Variants in CCSER1 observed in about 807,000 individuals in gnomAD.
CCSER1 encodes coiled-coil serine rich protein 1.
CCSER1 carries 41 observed loss-of-function variants against 82.0 expected under a neutral mutation model. The ratio of observed to expected loss-of-function variants is 0.50; its 90% CI spans 0.39 to 0.65. The LOEUF is 0.65. CCSER1 is among the 30% of genes least tolerant of loss of function. The probability of loss-of-function intolerance (pLI) is 0.00; values close to 1 mark genes in which losing one functional copy is unlikely to be tolerated. For synonymous variants in CCSER1, 414 were observed against 383.9 expected (o/e 1.08, Z -0.92); for missense variants, 1,119 against 1,064.2 (o/e 1.05, Z -0.72).
intron 3 of CCSER1, among the ~76,000 whole-genome samples, chr4:90,392,136 G>T (rs574304983): frequency 8.6e-5 from 13 of 151,954 alleles, no homozygotes; most frequent in African/African-American, 2.2e-4. Context: ...AAAAAAGCAT[G>T]AATTTTTAAA....
intron 10 of CCSER1, among the ~76,000 whole-genome samples, chr4:91,310,079 T>G (rs1040669776): frequency 6.6e-6 from 1 of 151,888 alleles, no homozygotes; most frequent in African/African-American, 2.4e-5. Context: ...TCTCTCCAAA[T>G]TTACCTTTTT....
intron 6 of CCSER1, among the ~76,000 whole-genome samples, chr4:90,689,416 T>C (rs541250981): frequency 1.3e-5 from 2 of 152,270 alleles, no homozygotes; most frequent in African/African-American, 4.8e-5. Flanking sequence ...GGTTAGAATA[T>C]ATTAATTGGT....
At chr4:90,277,667 T>A (rs761441880) in intron 1 of CCSER1, among the ~76,000 whole-genome samples, 3 of 152,038 alleles carry the variant, frequency 2.0e-5, no homozygotes, top group Non-Finnish European at 4.4e-5. Context: ...TCACCATATA[T>A]GAAAGTTAAC....
chr4:91,565,475 T>C (rs1002804861), intron 10 of CCSER1, among the ~76,000 whole-genome samples: 2 of 152,134 alleles, frequency 1.3e-5, no homozygotes, highest in Non-Finnish European at 2.9e-5. Flanking sequence ...ATTGAATCTG[T>C]AAATTGATTT....
At chr4:90,227,154 CT>C (rs1195749302) in intron 1 of CCSER1, among the ~76,000 whole-genome samples, 2 of 152,186 alleles carry the variant, frequency 1.3e-5, no homozygotes, top group East Asian at 3.9e-4. Context: ...CTAACTCTGG[CT>C]CAGCATCTGC....
intron 5 of CCSER1, among the ~76,000 whole-genome samples, chr4:90,495,676 C>T (rs891981337): frequency 1.3e-5 from 2 of 152,066 alleles, no homozygotes; most frequent in Admixed American, 1.3e-4. Flanking sequence ...TAGATTATAT[C>T]ATAATGTCAT....
chr4:90,475,677 TAGTC>T (rs1181566478), intron 5 of CCSER1, among the ~76,000 whole-genome samples: 2 of 152,194 alleles, frequency 1.3e-5, no homozygotes, highest in African/African-American at 4.8e-5. Flanking sequence ...ACTCTAGAGT[TAGTC>T]AGGGAGGCTG....
rs929765759 is a variant in CCSER1 at position 90,720,639 on chromosome 4, C to T, written c.1933-3275C>T. Reference sequence around the variant, plus strand: ...TAAATTTTATATTGTTAGATACACACGGCTGACTTGGAAATTGTATATACA... The same window carrying T: ...TAAATTTTATATTGTTAGATACACATGGCTGACTTGGAAATTGTATATACA... On this transcript the variant is annotated intron_variant, in intron 6 of 10. Coordinates refer to ENST00000509176, the MANE Select transcript of CCSER1 (RefSeq NM_001145065.2). Among the ~76,000 whole-genome samples, 6 of 152,048 alleles carry T rather than the reference C, an allele frequency of 3.9e-5. No homozygotes were observed. In the East Asian group the frequency reaches 5.8e-4, roughly 15 times the overall value.
chr4:91,131,471 T>G (rs529072306), intron 10 of CCSER1, among the ~76,000 whole-genome samples: 1 of 152,152 alleles, frequency 6.6e-6, no homozygotes, highest in African/African-American at 2.4e-5. Context: ...GCAAGACTGC[T>G]ACATGGGTGA....
At chr4:90,127,892 G>A (rs1049652933) in intron 1 of CCSER1, 61 bp downstream of exon 1, 2 of 152,112 alleles carry the variant, frequency 1.3e-5, no homozygotes, top group Non-Finnish European at 2.9e-5. Context: ...CCGCTTTGCG[G>A]GGCCGGCCGC....
intron 4 of CCSER1, among the ~76,000 whole-genome samples, chr4:90,428,833 T>C (rs541252911): frequency 6.6e-6 from 1 of 151,850 alleles, no homozygotes; most frequent in South Asian, 2.1e-4. Flanking sequence ...GGCAAGATTA[T>C]CAAAAACAAG....
intron 10 of CCSER1, among the ~76,000 whole-genome samples, chr4:91,166,904 A>G (rs1054493660): frequency 6.6e-6 from 1 of 152,166 alleles, no homozygotes; most frequent in Non-Finnish European, 1.5e-5. Flanking sequence ...GTTTTCTGAT[A>G]GAATTTACAA....
At chr4:90,641,956 A>G (rs370084508) in intron 6 of CCSER1, 1 of 345,972 alleles carries the variant, frequency 2.9e-6, no homozygotes, top group East Asian at 7.9e-5. Flanking sequence ...TCATGAATCC[A>G]GCATTAATGT....
At position 90,839,511 on chromosome 4, in the gene CCSER1, A is replaced by G. The variant is rs1177668980; in HGVS notation, c.2094+23666A>G. Among the ~76,000 whole-genome samples, 5 of 152,148 alleles carry G rather than the reference A, an allele frequency of 3.3e-5. No homozygotes were observed. In the East Asian group the frequency reaches 7.7e-4, roughly 23 times the overall value. Reference sequence around the variant, plus strand: ...TGCTACAGCTTCATTGTTGCATCGTACCCATCAAGACCCAACAGTGGAACT... The same window carrying G: ...TGCTACAGCTTCATTGTTGCATCGTGCCCATCAAGACCCAACAGTGGAACT... On this transcript the variant is annotated intron_variant, in intron 8 of 10. Transcript: ENST00000509176.
At chr4:90,362,162 A>C (rs1046149115) in intron 3 of CCSER1, among the ~76,000 whole-genome samples, 1 of 152,158 alleles carries the variant, frequency 6.6e-6, no homozygotes, top group Admixed American at 6.5e-5. Context: ...TGACTCTCAC[A>C]CAGGGATCTT....
chr4:91,218,189 A>T (rs112718916), intron 10 of CCSER1, among the ~76,000 whole-genome samples: 8,820 of 152,088 alleles, frequency 0.058, 503 homozygotes, highest in African/African-American at 0.15. Flanking sequence ...GACTCAGTAC[A>T]CCCTTGGCAG....
chr4:90,900,092 G>C (rs1470228965), intron 8 of CCSER1, among the ~76,000 whole-genome samples: 1 of 90,252 alleles, frequency 1.1e-5, no homozygotes, highest in Non-Finnish European at 2.8e-5. Flanking sequence ...TCTGGTCCCA[G>C]AGTTTTTTTT....
At chr4:90,181,502 G>A (rs1313500235) in intron 1 of CCSER1, among the ~76,000 whole-genome samples, 1 of 151,846 alleles carries the variant, frequency 6.6e-6, no homozygotes, top group African/African-American at 2.4e-5. Context: ...TCTCAAGAGA[G>A]GACAATGGAA....
chr4:90,908,989 A>G (rs777627296), intron 8 of CCSER1, among the ~76,000 whole-genome samples: 9 of 152,316 alleles, frequency 5.9e-5, no homozygotes, highest in South Asian at 2.1e-4. Flanking sequence ...TCTTGAGACC[A>G]TAAATCTGAA....
Sources: allele counts gnomAD v4.1 joint callset (sites outside exome capture counted in the v4.1 genomes callset), GRCh38; gene constraint gnomAD v4.1.1; transcripts MANE v1.5; gene names NCBI Gene and HGNC (gene_info 2026-07-23, HGNC 2026-07-21).